Variants in TMCO5A observed in about 807,000 individuals in gnomAD.
TMCO5A encodes the protein transmembrane and coiled-coil domains 5A.
TMCO5A carries 34 observed loss-of-function variants against 42.3 expected under a neutral mutation model. The observed-to-expected ratio is 0.80, with a 90% CI of 0.61 to 1.07. The LOEUF (loss-of-function observed/expected upper bound fraction) is 1.07. TMCO5A is among the 50% of genes least tolerant of loss of function. The pLI is 0.00. For synonymous variants in TMCO5A, 131 were observed against 115.6 expected (o/e 1.13, Z -0.86); for missense variants, 357 against 327.9 (o/e 1.09, Z -0.69).
At chr15:38,010,383 C>CAAAAAA in the TMCO5A span, among the ~76,000 whole-genome samples, 24 of 40,322 alleles carry the variant, frequency 6.0e-4, 1 homozygote, top group East Asian at 2.9e-3. Flanking sequence ...ACTCCGTCTC[C>CAAAAAA]AAAAAAAAAA....
chr15:37,942,787 A>G (rs1274117070), intron 9 of TMCO5A: 1 of 154,360 alleles, frequency 6.5e-6, no homozygotes, highest in Non-Finnish European at 1.4e-5. Context: ...CTCAAAGTAC[A>G]ATGAGTTTGT....
the TMCO5A span, among the ~76,000 whole-genome samples, chr15:37,992,468 C>T: frequency 6.6e-6 from 1 of 152,092 alleles, no homozygotes; most frequent in Non-Finnish European, 1.5e-5. Flanking sequence ...AACAGAAATA[C>T]CATTTGACCC....
At chr15:37,971,342 A>C (rs1326526807), downstream of TMCO5A, among the ~76,000 whole-genome samples, 1 of 152,188 alleles carries the variant, frequency 6.6e-6, no homozygotes, top group Non-Finnish European at 1.5e-5. Context: ...CTGGAACACA[A>C]GGCACCAAGT....
At chr15:37,977,509 G>T in the TMCO5A span, among the ~76,000 whole-genome samples, 1 of 152,206 alleles carries the variant, frequency 6.6e-6, no homozygotes, top group Admixed American at 6.5e-5. Context: ...TTTGGGTTCT[G>T]ATCCAGTAGA....
the TMCO5A span, among the ~76,000 whole-genome samples, chr15:38,013,092 C>T: frequency 1.3e-5 from 2 of 152,144 alleles, no homozygotes; most frequent in Non-Finnish European, 2.9e-5. Context: ...CACTGGGTGC[C>T]AGTGAAACTC....
intron 8 of TMCO5A, 114 bp from the exon 9 acceptor site, chr15:37,942,077 G>T: frequency 1.1e-6 from 1 of 939,182 alleles, no homozygotes; most frequent in Non-Finnish European, 1.7e-6. Context: ...AGAGAAAGTG[G>T]CAGTGGGAAT....
At chr15:38,007,876 T>G in the TMCO5A span, among the ~76,000 whole-genome samples, 3 of 30,132 alleles carry the variant, frequency 1.0e-4, no homozygotes, top group African/African-American at 1.7e-4. Flanking sequence ...CCCACACTTT[T>G]TTTTTTTTTT....
the TMCO5A span, among the ~76,000 whole-genome samples, chr15:37,980,449 C>T: frequency 3.3e-5 from 5 of 152,096 alleles, no homozygotes; most frequent in African/African-American, 1.2e-4. Flanking sequence ...CCCTGCCGAT[C>T]CTGGGTGGGT....
intron 11 of TMCO5A, 61 bp downstream of exon 11, chr15:37,947,757 G>A: frequency 1.7e-6 from 2 of 1,168,334 alleles, no homozygotes; most frequent in South Asian, 1.3e-5. Context: ...TAGCTATTCG[G>A]GCAGAGGGAA....
At chr15:38,008,904 G>A in the TMCO5A span, among the ~76,000 whole-genome samples, 2 of 152,144 alleles carry the variant, frequency 1.3e-5, no homozygotes, top group Non-Finnish European at 2.9e-5. Flanking sequence ...CCATCATAAT[G>A]AGCAATAAAA....
chr15:37,973,317 A>G, the TMCO5A span, among the ~76,000 whole-genome samples: 3 of 151,946 alleles, frequency 2.0e-5, no homozygotes, highest in African/African-American at 7.2e-5. Context: ...AGTTTTTTAT[A>G]ATTATGTGAA....
chr15:38,019,190 C>T, the TMCO5A span, among the ~76,000 whole-genome samples: 1 of 152,090 alleles, frequency 6.6e-6, no homozygotes, highest in Non-Finnish European at 1.5e-5. Flanking sequence ...TCAGTAAAAT[C>T]CTTGAGTCAA....
downstream of TMCO5A, among the ~76,000 whole-genome samples, chr15:37,969,261 T>C (rs1321822348): frequency 1.3e-5 from 2 of 152,308 alleles, no homozygotes; most frequent in East Asian, 3.9e-4. Flanking sequence ...ACATTTTCCA[T>C]CCTAGATGAA....
chr15:38,019,965 T>A, the TMCO5A span, among the ~76,000 whole-genome samples: 1 of 139,996 alleles, frequency 7.1e-6, no homozygotes, highest in South Asian at 2.2e-4. Context: ...GCATCAGAGG[T>A]TTTTTTTTTT....
intron 11 of TMCO5A, among the ~76,000 whole-genome samples, chr15:37,959,475 T>G (rs1279551570): frequency 1.3e-5 from 2 of 151,886 alleles, no homozygotes; most frequent in African/African-American, 4.8e-5. Flanking sequence ...GCAAACCAAA[T>G]TCAACAATAC....
At chr15:37,999,555 T>G in the TMCO5A span, among the ~76,000 whole-genome samples, 8 of 152,318 alleles carry the variant, frequency 5.3e-5, no homozygotes, top group South Asian at 1.7e-3. Flanking sequence ...AACTAGGATT[T>G]CTAGTACTAT....
the TMCO5A span, chr15:38,040,798 G>A: frequency 6.6e-6 from 1 of 152,164 alleles, no homozygotes; most frequent in Admixed American, 6.5e-5. Flanking sequence ...CTGTGGGAAG[G>A]GAAAAGTGGG....
At chr15:37,983,787 T>G in the TMCO5A span, among the ~76,000 whole-genome samples, 2 of 151,028 alleles carry the variant, frequency 1.3e-5, no homozygotes, top group Admixed American at 6.6e-5. Context: ...TGCAATGGCA[T>G]GATCTCGGCT....
At chr15:37,996,421 A>C in the TMCO5A span, among the ~76,000 whole-genome samples, 2 of 152,174 alleles carry the variant, frequency 1.3e-5, no homozygotes, top group African/African-American at 4.8e-5. Context: ...AAAACTAGGA[A>C]GTCTGTTTTG....
Sources: allele counts gnomAD v4.1 joint callset (sites outside exome capture counted in the v4.1 genomes callset), GRCh38; gene constraint gnomAD v4.1.1; transcripts MANE v1.5; gene names NCBI Gene and HGNC (gene_info 2026-07-23, HGNC 2026-07-21).